The following RFC3 variants were observed in gnomAD, a reference collection of about 807,000 sequenced individuals.
RFC3 encodes the protein A1 38 kDa subunit.
Under a neutral mutation model 45.1 loss-of-function variants are expected in RFC3, and 41 were observed. The observed-to-expected ratio is 0.91, with a 90% CI of 0.71 to 1.18. The LOEUF is 1.18. RFC3 is among the 50% of genes most tolerant of loss of function. The probability of loss-of-function intolerance (pLI) is 0.00; values close to 1 mark genes in which losing one functional copy is unlikely to be tolerated. For synonymous variants in RFC3, 149 were observed against 144.0 expected (o/e 1.03, Z -0.25); for missense variants, 423 against 428.1 (o/e 0.99, Z 0.10).
At chr13:33,970,606 G>A (rs2083105863), downstream of RFC3, among the ~76,000 whole-genome samples, 1 of 152,196 alleles carries the variant, frequency 6.6e-6, no homozygotes, top group Admixed American at 6.5e-5. Context: ...AGTTCACTTG[G>A]AAAATAATTC....
intron 1 of RFC3, among the ~76,000 whole-genome samples, chr13:33,819,372 T>G (rs1310407810): frequency 1.3e-5 from 2 of 152,244 alleles, no homozygotes; most frequent in Non-Finnish European, 2.9e-5. Context: ...TATCCACTCC[T>G]TTTAAGGAAC....
intron 8 of RFC3, chr13:33,849,653 G>T (rs1351209912): frequency 1.3e-5 from 2 of 152,130 alleles, no homozygotes; most frequent in Non-Finnish European, 2.9e-5. Flanking sequence ...GAGGCTGGCA[G>T]ATCAGTTGAG....
intron 8 of RFC3, among the ~76,000 whole-genome samples, chr13:33,944,391 TTGA>T (rs1251478006): frequency 2.0e-5 from 3 of 152,230 alleles, no homozygotes; most frequent in African/African-American, 7.2e-5. Flanking sequence ...ATTTAAATCT[TTGA>T]TCAATGAGTG....
Position 33,836,186 on chromosome 13 carries a change from G to T in RFC3, c.962G>T (p.Arg321Leu). The change falls in exon 9 of 9, where the codon CGT (arginine) becomes CTT (leucine). Residue 321 changes from arginine (R) to leucine (L), a missense_variant. Physicochemically the swap from Arg to Leu is moderately radical, Grantham distance 102 (BLOSUM62 -2). Transcript: ENST00000380071. ...VAQMAAYYEH[R>L]LQLGSKAIYH... ...CAAATGGCAGCTTACTATGAGCATC[G>T]TCTACAGCTGGGTAGCAAAGCCATT... 1 of 1,613,406 alleles carries T rather than the reference G, an allele frequency of 6.2e-7. No individual in the cohort carries two copies. Among genetic ancestry groups the T allele is most frequent in the Non-Finnish European group, 8.5e-7 (1 of 1,179,526 alleles).
chr13:33,862,839 G>T (rs2082349684), intron 8 of RFC3, among the ~76,000 whole-genome samples: 1 of 152,110 alleles, frequency 6.6e-6, no homozygotes. Flanking sequence ...TATAATGAGG[G>T]TTGCTGTTTT....
rs749129753 is a variant in RFC3, at chr13:33,836,086, C to T, written c.880-18C>T. On this transcript the variant is annotated intron_variant, in intron 8 of 8. Transcript: ENST00000380071. ...GTTTTTATTAATGATTTTTAAATTACTGATTATTTTTGTTTAGGGCCTTCT... is the reference window on the plus strand; with the variant it reads ...GTTTTTATTAATGATTTTTAAATTATTGATTATTTTTGTTTAGGGCCTTCT... 2 of 1,587,880 alleles carry T rather than the reference C, an allele frequency of 1.3e-6. No homozygotes were observed. Among genetic ancestry groups the T allele is most frequent in the Admixed American group, 1.7e-5 (1 of 57,518 alleles).
At chr13:33,921,509 G>A (rs1032877885) in intron 8 of RFC3, among the ~76,000 whole-genome samples, 1 of 152,164 alleles carries the variant, frequency 6.6e-6, no homozygotes, top group African/African-American at 2.4e-5. Context: ...CTCAACCCCT[G>A]CATGAAACAT....
intron 8 of RFC3, among the ~76,000 whole-genome samples, chr13:33,910,643 A>G (rs2082698331): frequency 6.6e-6 from 1 of 152,142 alleles, no homozygotes; most frequent in South Asian, 2.1e-4. Context: ...TCAGGCAAAG[A>G]AGAACAGCAC....
chr13:33,818,306 C>T lies in RFC3; in HGVS notation c.87+41C>T, dbSNP rs1162691562. ...CCGGGAGCGTGGGAGAGGGGAGGCC[C>T]CCCGGCTCGGGGTTTCGCGCCCCCC... On this transcript the variant is annotated intron_variant, in intron 1 of 8. Coordinates refer to ENST00000380071, the MANE Select transcript of RFC3 (RefSeq NM_002915.4). 4 of 1,575,292 alleles carry T rather than the reference C, an allele frequency of 2.5e-6. No homozygotes were observed. In the South Asian group the frequency reaches 3.3e-5, roughly 13 times the overall value.
At chr13:33,870,656 A>G (rs183588498) in intron 8 of RFC3, among the ~76,000 whole-genome samples, 5 of 152,312 alleles carry the variant, frequency 3.3e-5, no homozygotes, top group East Asian at 1.9e-4. Context: ...AGTGGGTGCA[A>G]TGGAACAGCC....
the RFC3 span, among the ~76,000 whole-genome samples, chr13:33,975,435 G>T: frequency 5.3e-5 from 8 of 152,106 alleles, no homozygotes. Flanking sequence ...TTTTAGACTG[G>T]TAAAACTATT....
At chr13:33,876,201 A>G (rs987314226) in intron 8 of RFC3, among the ~76,000 whole-genome samples, 1 of 152,126 alleles carries the variant, frequency 6.6e-6, no homozygotes, top group Non-Finnish European at 1.5e-5. Context: ...AAATGAGCAT[A>G]CTCAGCATAT....
At chr13:33,875,723 C>T (rs2082441704) in intron 8 of RFC3, among the ~76,000 whole-genome samples, 1 of 152,116 alleles carries the variant, frequency 6.6e-6, no homozygotes, top group Non-Finnish European at 1.5e-5. Context: ...GGCACTGATC[C>T]ACCAAGCCTG....
chr13:33,926,270 A>G (rs1467575249), intron 8 of RFC3, among the ~76,000 whole-genome samples: 1 of 151,442 alleles, frequency 6.6e-6, no homozygotes, highest in East Asian at 1.9e-4. Context: ...ATGACGAGTT[A>G]GTGGGTGCAG....
rs147411854 is a variant in RFC3, at chr13:33,921,100, G to A, written c.880-44987G>A. Among the ~76,000 whole-genome samples the A allele has an allele frequency of 4.5e-3, 685 of 152,274 alleles. 3 individuals carry two copies. The highest frequency in any genetic ancestry group is 8.0e-3 in the Non-Finnish European group (545 of 68,010). ...TAAAATTTGAAATCTTGAGTATCAAGTAAGTTAGGCTCTTCACTCATTCAG... is the reference window on the plus strand; with the variant it reads ...TAAAATTTGAAATCTTGAGTATCAAATAAGTTAGGCTCTTCACTCATTCAG... On this transcript the variant is annotated intron_variant, in intron 8 of 8. Coordinates refer to the RFC3 transcript ENST00000434425.
At chr13:33,953,088 G>A (rs964525703) in intron 8 of RFC3, among the ~76,000 whole-genome samples, 20 of 152,098 alleles carry the variant, frequency 1.3e-4, no homozygotes, top group African/African-American at 4.8e-4. Flanking sequence ...AAGTTTAGAA[G>A]AAATTAAATA....
intron 7 of RFC3, 54 bp downstream of exon 7, chr13:33,831,408 C>T (rs2082103033): frequency 1.1e-6 from 1 of 893,584 alleles, no homozygotes; most frequent in Admixed American, 1.9e-5. Context: ...TATCATAGGA[C>T]ACATATTAAC....
In RFC3 at chr13:33,825,816, C is replaced by T; in HGVS notation, c.321C>T (p.Val107=). Reference sequence around the variant, plus strand: ...ATGCTGGAAATAGTGACCGAGTAGTCATTCAGGAGATGTTGAAAACAGTGG... The same window carrying T: ...ATGCTGGAAATAGTGACCGAGTAGTTATTCAGGAGATGTTGAAAACAGTGG... The part of the protein sequence containing the change: ...PSDAGNSDRV[V]IQEMLKTVAQ... Residue 107 remains valine (V), a synonymous_variant, in exon 4 of 9, where the codon GTC becomes GTT. Transcript: ENST00000380071. 1 of 1,601,402 alleles carries T rather than the reference C, an allele frequency of 6.2e-7. No homozygotes were observed. Among genetic ancestry groups the T allele is most frequent in the East Asian group, 2.3e-5 (1 of 44,172 alleles).
At chr13:33,953,236 G>C (rs1176921172) in intron 8 of RFC3, among the ~76,000 whole-genome samples, 1 of 150,012 alleles carries the variant, frequency 6.7e-6, no homozygotes, top group Non-Finnish European at 1.5e-5. Context: ...ATATTCTGTT[G>C]CTCTGAATTA....
Sources: allele counts gnomAD v4.1 joint callset (sites outside exome capture counted in the v4.1 genomes callset), GRCh38; gene constraint gnomAD v4.1.1; transcripts MANE v1.5; gene names NCBI Gene and HGNC (gene_info 2026-07-23, HGNC 2026-07-21).